Variants in CCDC91 observed in about 807,000 individuals in gnomAD.
CCDC91 encodes the protein coiled-coil domain containing 91.
Under a neutral mutation model 63.2 loss-of-function variants are expected in CCDC91, and 48 were observed. The observed-to-expected ratio is 0.76, with a 90% CI of 0.60 to 0.97. CCDC91 has a LOEUF of 0.97. Among genes scored for constraint, CCDC91 ranks in the 50% least tolerant of loss-of-function variants. The pLI is 0.00. For missense variants in CCDC91, 500 were observed against 494.6 expected (o/e 1.01, Z -0.10); for synonymous variants, 167 against 165.8 (o/e 1.01, Z -0.06).
chr12:28,383,795 T>A (rs1945436756), intron 7 of CCDC91, among the ~76,000 whole-genome samples: 1 of 152,170 alleles, frequency 6.6e-6, no homozygotes, highest in African/African-American at 2.4e-5. Context: ...CTGAAACGTC[T>A]AAATACTGTT....
intron 6 of CCDC91, among the ~76,000 whole-genome samples, chr12:28,351,166 A>G (rs1382925996): frequency 2.6e-5 from 4 of 152,302 alleles, no homozygotes; most frequent in Admixed American, 6.5e-5. Flanking sequence ...AAAAGTCTCA[A>G]TGTCATCATC....
chr12:28,332,159 G>A (rs1395402300), intron 6 of CCDC91, among the ~76,000 whole-genome samples: 1 of 152,106 alleles, frequency 6.6e-6, no homozygotes, highest in Non-Finnish European at 1.5e-5. Flanking sequence ...TAATTAAACT[G>A]TAGGAATGCT....
rs1949868736 is a variant in CCDC91 at position 28,452,660 on chromosome 12, TAATATTAACTGTTAGTAAATATTTA to T, written c.1101+7_1101+31del. On this transcript the variant is annotated splice_region_variant and intron_variant, in intron 11 of 12. Coordinates refer to ENST00000536442, the MANE Select transcript of CCDC91 (RefSeq NM_018318.5). ...AACAAAGAAAAATAAGTCAGGTTAG[TAATATTAACTGTTAGTAAATATTTA>T]CTTTTTTCTCATTTTTCTCAAAATG... The T allele has an allele frequency of 2.1e-6, 3 of 1,400,520 alleles. No individual in the cohort carries two copies. The highest frequency in any genetic ancestry group is 2.9e-6 in the Non-Finnish European group (3 of 1,026,728). The allele number at this position is 1,400,520 out of a possible 1,614,324, so 86.8% of individuals were successfully genotyped here.
chr12:28,438,994 T>C (rs1157627392), intron 8 of CCDC91, among the ~76,000 whole-genome samples: 1 of 152,166 alleles, frequency 6.6e-6, no homozygotes, highest in Non-Finnish European at 1.5e-5. Context: ...TATCCAAATA[T>C]AGAGACATCA....
chr12:28,299,753 T>C (rs1055952635), intron 3 of CCDC91, among the ~76,000 whole-genome samples: 14 of 151,664 alleles, frequency 9.2e-5, no homozygotes, highest in African/African-American at 3.4e-4. Flanking sequence ...ATCTTTGTCT[T>C]TTCATATATT....
chr12:28,193,578 T>A (rs1482555647), intron 1 of CCDC91, among the ~76,000 whole-genome samples: 1 of 149,734 alleles, frequency 6.7e-6, no homozygotes, highest in Non-Finnish European at 1.5e-5. Flanking sequence ...TCCAGACTGG[T>A]GACAGAGTGA....
chr12:28,516,925 A>T (rs1017610109), intron 12 of CCDC91, among the ~76,000 whole-genome samples: 15 of 151,942 alleles, frequency 9.9e-5, no homozygotes, highest in Non-Finnish European at 2.2e-4. Flanking sequence ...TGACTTTTGG[A>T]GGGGATATTC....
chr12:28,325,866 G>A (rs1200068748), intron 6 of CCDC91, among the ~76,000 whole-genome samples: 1 of 151,964 alleles, frequency 6.6e-6, no homozygotes, highest in Non-Finnish European at 1.5e-5. Flanking sequence ...TATTTTAGTT[G>A]TGTTTAATTT....
At chr12:28,220,086 C>T (rs1277655122) in intron 1 of CCDC91, among the ~76,000 whole-genome samples, 2 of 152,040 alleles carry the variant, frequency 1.3e-5, no homozygotes, top group African/African-American at 4.8e-5. Context: ...GTTGTTTAGA[C>T]CACTTACACT....
chr12:28,267,891 A>G (rs1459352369), intron 3 of CCDC91, among the ~76,000 whole-genome samples: 1 of 60,070 alleles, frequency 1.7e-5, no homozygotes, highest in South Asian at 4.6e-4. Flanking sequence ...AATTATTATA[A>G]TTATATATAA....
At chr12:28,225,342 A>G (rs1472882722) in intron 1 of CCDC91, among the ~76,000 whole-genome samples, 1 of 152,118 alleles carries the variant, frequency 6.6e-6, no homozygotes, top group Admixed American at 6.5e-5. Context: ...TCTCTTCTTC[A>G]TCATATTAAG....
At chr12:28,524,519 T>A (rs1323706768) in intron 12 of CCDC91, among the ~76,000 whole-genome samples, 1 of 152,132 alleles carries the variant, frequency 6.6e-6, no homozygotes, top group African/African-American at 2.4e-5. Context: ...TTGTTGAGGT[T>A]TTTTGCATAT....
intron 7 of CCDC91, among the ~76,000 whole-genome samples, chr12:28,378,017 CTT>C (rs1945054074): frequency 6.6e-6 from 1 of 151,926 alleles, no homozygotes; most frequent in African/African-American, 2.4e-5. Flanking sequence ...TTCTCTTCCT[CTT>C]ATATTTAAAT....
intron 3 of CCDC91, among the ~76,000 whole-genome samples, chr12:28,266,354 A>C (rs1947186474): frequency 6.6e-6 from 1 of 151,988 alleles, no homozygotes; most frequent in Non-Finnish European, 1.5e-5. Context: ...CAAATCTATA[A>C]ATTGAAAGAC....
At chr12:28,235,563 C>G (rs1307310656) in intron 1 of CCDC91, among the ~76,000 whole-genome samples, 1 of 148,388 alleles carries the variant, frequency 6.7e-6, no homozygotes, top group African/African-American at 2.5e-5. Flanking sequence ...TGTTCTCCCA[C>G]CATTAGGTTT....
Position 28,402,813 on chromosome 12 carries a change from G to A in CCDC91, c.762+11402G>A, listed in dbSNP as rs577653226. On this transcript the variant is annotated intron_variant, in intron 8 of 12. Transcript: ENST00000536442. ...TGTTATTCTTTATCAAGTTGAGGAA[G>A]TTCTCTTCTACTCCTAGTTTGCTGA... Among the ~76,000 whole-genome samples the A allele has an allele frequency of 5.2e-4, 79 of 152,194 alleles. No homozygotes were observed. In the South Asian group the frequency reaches 0.016, roughly 30 times the overall value.
At position 28,331,200 on chromosome 12, in the gene CCDC91, C is replaced by T. The variant is rs540093930; in HGVS notation, c.576+23451C>T. 3.4e-4 allele frequency among the ~76,000 whole-genome samples: 51 copies of T among 152,232 alleles called. 1 individual carries two copies. The highest frequency in any genetic ancestry group is 1.1e-3 in the African/African-American group (44 of 41,548). ...TATTTCACCTTGGTGATAATAAAAA[C>T]GGATGGAACTACAGGCTAAATACTA... On this transcript the variant is annotated intron_variant, in intron 6 of 12. Coordinates refer to ENST00000536442, the MANE Select transcript of CCDC91 (RefSeq NM_018318.5).
intron 6 of CCDC91, among the ~76,000 whole-genome samples, chr12:28,316,083 G>A (rs762464536): frequency 6.6e-6 from 1 of 151,676 alleles, no homozygotes; most frequent in East Asian, 1.9e-4. Context: ...GTTATATCCT[G>A]CTTTTGGTGA....
chr12:28,237,316 A>G (rs1294840359), intron 1 of CCDC91, among the ~76,000 whole-genome samples: 1 of 151,668 alleles, frequency 6.6e-6, no homozygotes, highest in Non-Finnish European at 1.5e-5. Context: ...CAAAGATATT[A>G]GGTCTTAGGA....
Sources: gnomAD v4.1 joint callset for allele counts (sites outside exome capture counted in the v4.1 genomes callset) on GRCh38, gnomAD v4.1.1 for gene constraint, MANE v1.5 for transcripts, NCBI Gene and HGNC (gene_info 2026-07-23, HGNC 2026-07-21) for gene names.